Variants in SLCO2A1 observed in about 807,000 individuals in gnomAD.
SLCO2A1 encodes the protein solute carrier organic anion transporter family member 2A1, also known as matrin F/G 1.
SLCO2A1 carries 60 observed loss-of-function variants against 71.7 expected under a neutral mutation model. That is an observed-to-expected ratio of 0.84 (90% confidence interval 0.68 to 1.04). The LOEUF (loss-of-function observed/expected upper bound fraction) is 1.04, where lower values mean the gene tolerates loss of function less well. Ranked by LOEUF, SLCO2A1 falls within the 50% of genes least tolerant of loss-of-function variation. The pLI is 0.00. For missense variants in SLCO2A1, 745 were observed against 813.4 expected (o/e 0.92, Z 1.02); for synonymous variants, 308 against 326.7 (o/e 0.94, Z 0.62).
chr3:133,951,584 G>C (rs1343784927), intron 5 of SLCO2A1, among the ~76,000 whole-genome samples: 2 of 152,210 alleles, frequency 1.3e-5, no homozygotes, highest in African/African-American at 4.8e-5. Context: ...GGAGGGAGCA[G>C]TACCTTCACC....
intron 1 of SLCO2A1, among the ~76,000 whole-genome samples, chr3:133,999,750 G>A (rs1935061585): frequency 6.6e-6 from 1 of 152,154 alleles, no homozygotes; most frequent in Admixed American, 6.5e-5. Flanking sequence ...GATGAGGAGA[G>A]GAAAAATGTA....
chr3:133,990,607 A>G (rs1327913064), intron 1 of SLCO2A1, among the ~76,000 whole-genome samples: 1 of 152,118 alleles, frequency 6.6e-6, no homozygotes, highest in East Asian at 1.9e-4. Context: ...TCTCCAACAG[A>G]TGGCAGGTGG....
intron 2 of SLCO2A1, among the ~76,000 whole-genome samples, chr3:133,976,271 T>C (rs1180756384): frequency 6.6e-6 from 1 of 152,274 alleles, no homozygotes; most frequent in African/African-American, 2.4e-5. Context: ...TTTATTCTTA[T>C]GCTTCCCAGA....
chr3:133,965,139 C>T (rs549885705), intron 3 of SLCO2A1, among the ~76,000 whole-genome samples: 6 of 152,148 alleles, frequency 3.9e-5, no homozygotes, highest in Non-Finnish European at 7.3e-5. Flanking sequence ...AAAAAAAAAC[C>T]GTTAGCGGAG....
chr3:133,989,898 T>G (rs1161266987), intron 1 of SLCO2A1, among the ~76,000 whole-genome samples: 1 of 152,242 alleles, frequency 6.6e-6, no homozygotes, highest in Non-Finnish European at 1.5e-5. Flanking sequence ...TCTATCAGTA[T>G]TTTTATTATC....
chr3:134,004,093 CGTGT>C (rs71139603), intron 1 of SLCO2A1, among the ~76,000 whole-genome samples: 12,006 of 149,356 alleles, frequency 0.08, 545 homozygotes, highest in South Asian at 0.19. Context: ...TGAATCTCTT[CGTGT>C]GTGTGTGTGT....
intron 1 of SLCO2A1, among the ~76,000 whole-genome samples, chr3:134,023,121 AAAACAAACAAAC>A (rs143225028): frequency 2.6e-5 from 1 of 38,324 alleles, no homozygotes; most frequent in African/African-American, 5.2e-5. Flanking sequence ...TTCATACAGC[AAAACAAACAAAC>A]AAACAAACAA....
chr3:133,981,665 A>G (rs1934594884), intron 1 of SLCO2A1, among the ~76,000 whole-genome samples: 1 of 152,182 alleles, frequency 6.6e-6, no homozygotes, highest in African/African-American at 2.4e-5. Flanking sequence ...GTAAAGGGTA[A>G]GATGTGAAAG....
chr3:133,942,732 C>T lies in SLCO2A1; in HGVS notation c.1498G>A (p.Ala500Thr), dbSNP rs138923414. The change falls in exon 11 of 14, where the codon GCT (alanine) becomes ACT (threonine). Residue 500 changes from alanine to threonine, a missense_variant. Physicochemically the swap from Ala to Thr is moderately conservative, Grantham distance 58. Coordinates refer to ENST00000310926, the MANE Select transcript of SLCO2A1 (RefSeq NM_005630.3). ...GGGCACGATCCTGTCTTTGCTGAAGCGGATCCCCCGGTCACACAGCTGCAG... is the reference window on the plus strand; with the variant it reads ...GGGCACGATCCTGTCTTTGCTGAAGTGGATCCCCCGGTCACACAGCTGCAG... ...LNCSCVTGGS[A>T]SAKTGSCPVP... is the part of the protein sequence containing the mutation. 1.2e-4 allele frequency: 195 copies of T among 1,609,894 alleles called. No homozygotes were observed. In the African/African-American group the frequency reaches 1.9e-3, roughly 16 times the overall value.
chr3:133,987,815 T>C (rs1934751493), intron 1 of SLCO2A1, among the ~76,000 whole-genome samples: 2 of 152,220 alleles, frequency 1.3e-5, no homozygotes, highest in South Asian at 2.1e-4. Context: ...GGGCAGGAGA[T>C]GTGGCTGGAC....
chr3:133,979,668 C>T (rs749643686), intron 1 of SLCO2A1, 50 bp from the exon 2 acceptor site: 98 of 1,548,184 alleles, frequency 6.3e-5, no homozygotes, highest in South Asian at 1.1e-4. Context: ...CAAGCCCTGG[C>T]GCCCTCCCAG....
At chr3:133,943,132 T>A (rs555952190) in intron 10 of SLCO2A1, among the ~76,000 whole-genome samples, 1 of 152,092 alleles carries the variant, frequency 6.6e-6, no homozygotes, top group African/African-American at 2.4e-5. Flanking sequence ...CAGATTGTTG[T>A]TTTTGCTGTT....
intron 3 of SLCO2A1, among the ~76,000 whole-genome samples, chr3:133,961,493 T>A (rs933822762): frequency 6.6e-6 from 1 of 152,192 alleles, no homozygotes; most frequent in Non-Finnish European, 1.5e-5. Flanking sequence ...TTAATGGTCA[T>A]CAAAGATGGT....
intron 13 of SLCO2A1, 116 bp from the exon 14 acceptor site, chr3:133,934,946 G>C: frequency 1.3e-6 from 1 of 759,100 alleles, no homozygotes; most frequent in Non-Finnish European, 2.2e-6. Context: ...GAAGGTGTGG[G>C]CACCATCCAG....
At chr3:134,002,710 C>T (rs2108070536) in intron 1 of SLCO2A1, among the ~76,000 whole-genome samples, 1 of 152,286 alleles carries the variant, frequency 6.6e-6, no homozygotes, top group African/African-American at 2.4e-5. Flanking sequence ...CAAGAATTTG[C>T]ATTTATAATA....
intron 1 of SLCO2A1, among the ~76,000 whole-genome samples, chr3:134,026,313 G>A (rs1053657083): frequency 3.3e-5 from 5 of 151,378 alleles, no homozygotes; most frequent in South Asian, 2.1e-4. Flanking sequence ...GGACCCACCC[G>A]GAGTCCCACC....
chr3:134,013,153 C>T (rs1414372336), intron 1 of SLCO2A1, among the ~76,000 whole-genome samples: 1 of 152,174 alleles, frequency 6.6e-6, no homozygotes, highest in Non-Finnish European at 1.5e-5. Flanking sequence ...AAAGTAGACA[C>T]TCAATAGATG....
intron 1 of SLCO2A1, among the ~76,000 whole-genome samples, chr3:134,003,908 G>C (rs1202008865): frequency 6.6e-6 from 1 of 152,204 alleles, no homozygotes; most frequent in Non-Finnish European, 1.5e-5. Context: ...CAGAGGTTGA[G>C]AGACAGACAG....
At chr3:133,990,303 CCT>C (rs1934810890) in intron 1 of SLCO2A1, among the ~76,000 whole-genome samples, 1 of 152,188 alleles carries the variant, frequency 6.6e-6, no homozygotes, top group Non-Finnish European at 1.5e-5. Context: ...TGATTTTTCT[CCT>C]TTTTCTTCAT....
Sources: gnomAD v4.1 joint callset for allele counts (sites outside exome capture counted in the v4.1 genomes callset) on GRCh38, gnomAD v4.1.1 for gene constraint, MANE v1.5 for transcripts, NCBI Gene and HGNC (gene_info 2026-07-23, HGNC 2026-07-21) for gene names.